The following KIR3DL1 variants were observed in gnomAD, a reference collection of about 807,000 sequenced individuals.
The protein encoded by KIR3DL1 is killer cell immunoglobulin-like receptor 3DL1.
Under a neutral mutation model 40.3 loss-of-function variants are expected in KIR3DL1, and 50 were observed. That is an observed-to-expected ratio of 1.24 (90% CI 0.99 to 1.57). The LOEUF is 1.57. Ranked by LOEUF, KIR3DL1 falls within the 40% of genes most tolerant of loss-of-function variation. The probability of loss-of-function intolerance (pLI) is 0.00; values close to 1 mark genes in which losing one functional copy is unlikely to be tolerated. For missense variants in KIR3DL1, 661 were observed against 559.9 expected, an observed-to-expected ratio of 1.18 and a Z score of -1.82; for synonymous variants, 257 against 207.2, an observed-to-expected ratio of 1.24 and a Z score of -2.07.
chr19:54,830,056 A>C (rs752358560), intron 8 of KIR3DL1, 43 bp from the exon 9 acceptor site: 1 of 1,521,212 alleles, frequency 6.6e-7, no homozygotes, highest in Non-Finnish European at 8.9e-7. Context: ...ACCCTCCCTC[A>C]CTCAGCATTT....
chr19:54,830,454 TC>T, exon 9 of KIR3DL1: 1 of 782,248 alleles, frequency 1.3e-6, no homozygotes. Context: ...AATGTCTAGG[TC>T]CCCACTGCCT....
chr19:54,817,583 C>T lies in KIR3DL1; in HGVS notation c.70+14C>T. 6.6e-7 allele frequency: 1 copy of T among 1,509,294 alleles called. No individual in the cohort carries two copies. Among genetic ancestry groups the T allele is most frequent in the African/African-American group, 1.6e-5 (1 of 63,066 alleles). 93.5% of individuals were successfully genotyped at this position (1,509,294 alleles called of 1,614,324 possible). ...GTCCACACATGGGTGAGTCCTTCCC[C>T]AAACCTTAGGGTGTCATCTCCCCAC... is the stretch of plus-strand genomic sequence containing the variant. On this transcript the variant is annotated intron_variant, in intron 2 of 8. Coordinates refer to ENST00000391728, the Ensembl canonical transcript of KIR3DL1.
intron 2 of KIR3DL1, among the ~76,000 whole-genome samples, chr19:54,818,081 T>C (rs2061438129): frequency 7.1e-6 from 1 of 141,292 alleles, no homozygotes; most frequent in Non-Finnish European, 1.5e-5. Flanking sequence ...TGAGTAATTT[T>C]GCAGTATTAA....
intron 5 of KIR3DL1, among the ~76,000 whole-genome samples, chr19:54,823,614 C>T (rs2061744519): frequency 6.6e-6 from 1 of 151,472 alleles, no homozygotes; most frequent in Non-Finnish European, 1.5e-5. Flanking sequence ...TCTCCTGCCT[C>T]AGCCTCCAAA....
chr19:54,827,263 A>G (rs2061950148), intron 6 of KIR3DL1, among the ~76,000 whole-genome samples: 1 of 151,352 alleles, frequency 6.6e-6, no homozygotes, highest in Non-Finnish European at 1.5e-5. Flanking sequence ...TGACAGATAT[A>G]TGAGGGGTGG....
rs1363472324 is a variant in KIR3DL1, at chr19:54,817,952, C to T, written c.71-363C>T. ...CTTTCTACCAGAAAAGGTGAGGAAACCACAGCCATGGCCCTGACATTCCAA... is the reference window on the plus strand; with the variant it reads ...CTTTCTACCAGAAAAGGTGAGGAAATCACAGCCATGGCCCTGACATTCCAA... On this transcript the variant is annotated intron_variant, in intron 2 of 8. Transcript: ENST00000391728. Among the ~76,000 whole-genome samples, 9 of 148,172 alleles carry T rather than the reference C, an allele frequency of 6.1e-5. No homozygotes were observed. In the East Asian group the frequency reaches 1.8e-3, roughly 30 times the overall value.
chr19:54,824,019 C>A (rs564424352), intron 5 of KIR3DL1, among the ~76,000 whole-genome samples: 1 of 151,350 alleles, frequency 6.6e-6, no homozygotes, highest in African/African-American at 2.4e-5. Context: ...GAATAGTTTG[C>A]AAATATTTGC....
chr19:54,823,293 T>C (rs1214280690), intron 5 of KIR3DL1, among the ~76,000 whole-genome samples: 2 of 151,082 alleles, frequency 1.3e-5, no homozygotes, highest in African/African-American at 4.9e-5. Context: ...TGCCTCGGTT[T>C]CCCAAAGTGC....
At chr19:54,830,174 A>T in exon 9 of KIR3DL1, 1 of 1,523,490 alleles carries the variant, frequency 6.6e-7, no homozygotes, top group Non-Finnish European at 8.9e-7. Flanking sequence ...GAGAAAAATC[A>T]CTCGCCCTTC....
intron 6 of KIR3DL1, among the ~76,000 whole-genome samples, chr19:54,826,007 G>A (rs1411834890): frequency 6.6e-6 from 1 of 151,180 alleles, no homozygotes; most frequent in African/African-American, 2.5e-5. Context: ...TAATCTCCCG[G>A]AAATCATTCA....
At chr19:54,820,389 G>T (rs1450583707) in intron 4 of KIR3DL1, among the ~76,000 whole-genome samples, 1 of 151,540 alleles carries the variant, frequency 6.6e-6, no homozygotes, top group African/African-American at 2.4e-5. Flanking sequence ...AGAACCCAAG[G>T]ACACCCATAT....
rs1601357953 is a variant in KIR3DL1, at chr19:54,821,869, C to G, written c.949+11C>G. 8 of 1,597,048 alleles carry G rather than the reference C, an allele frequency of 5.0e-6. No individual in the cohort carries two copies. In the East Asian group the frequency reaches 1.8e-4, roughly 36 times the overall value. ...TTGTTTCTGTCACAGGTGAGAAAAG[C>G]CCATATCTCTCTCATGTCCTATGAT... On this transcript the variant is annotated intron_variant, in intron 5 of 8. Transcript: ENST00000391728.
At chr19:54,821,751 C>T (rs1010354695) in exon 5 of KIR3DL1, 2 of 1,608,258 alleles carry the variant, frequency 1.2e-6, no homozygotes, top group South Asian at 1.1e-5. Flanking sequence ...GCAGATTTCC[C>T]TCTGGGCCCT....
rs1443547058 is a variant in KIR3DL1, at chr19:54,830,204, C to G, written c.1264C>G (p.Pro422Ala). The change falls in exon 9 of 9, where the codon CCT becomes GCT. Residue 422 changes from proline (P) to alanine (A), a missense_variant. Transcript: ENST00000391728. ...CCCTTCTCAGAGGCCCAAGACACCC[C>G]CTACAGATACCATCTTGTACACGGA... 4 of 1,524,486 alleles carry G rather than the reference C, an allele frequency of 2.6e-6. 1 individual carries two copies. The Admixed American group carries it at 7.2e-5, about 28-fold the overall frequency. 94.4% of individuals were successfully genotyped at this position (1,524,486 alleles called of 1,614,324 possible). A position where few individuals can be genotyped will look rare whatever the true frequency, so the allele number is the denominator to read the frequency against.
intron 3 of KIR3DL1, 106 bp from the exon 4 acceptor site, chr19:54,819,607 G>T (rs111931906): frequency 1.5e-6 from 2 of 1,328,122 alleles, no homozygotes; most frequent in African/African-American, 1.5e-5. Flanking sequence ...GATGCAGAGA[G>T]GGAGGAGAGA....
intron 7 of KIR3DL1, 28 bp downstream of exon 7, chr19:54,829,493 A>G (rs766633018): frequency 1.4e-6 from 2 of 1,405,466 alleles, no homozygotes; most frequent in Non-Finnish European, 1.9e-6. Flanking sequence ...CAGGCCAGAG[A>G]GCTCAGGGCC....
chr19:54,825,196 T>C (rs2061821170), intron 6 of KIR3DL1, 118 bp downstream of exon 6: 1 of 764,574 alleles, frequency 1.3e-6, no homozygotes, highest in Admixed American at 1.9e-5. Flanking sequence ...TTCCACCATC[T>C]CTGAACTCCA....
intron 3 of KIR3DL1, 52 bp from the exon 4 acceptor site, chr19:54,819,661 G>T: frequency 6.4e-7 from 1 of 1,568,350 alleles, no homozygotes; most frequent in South Asian, 1.1e-5. Flanking sequence ...CAGGTGCCAT[G>T]GATGGGATGA....
chr19:54,817,907 G>T (rs1479160017), intron 2 of KIR3DL1, among the ~76,000 whole-genome samples: 1 of 144,948 alleles, frequency 6.9e-6, no homozygotes, highest in African/African-American at 2.7e-5. Flanking sequence ...TGATGGTAGG[G>T]GCTGCAGTGT....
Sources: gnomAD v4.1 joint callset for allele counts (sites outside exome capture counted in the v4.1 genomes callset) on GRCh38, gnomAD v4.1.1 for gene constraint, MANE v1.5 for transcripts, NCBI Gene and HGNC (gene_info 2026-07-23, HGNC 2026-07-21) for gene names.